DHRS7B: variants seen among roughly 807,000 people sequenced by gnomAD.
The protein encoded by DHRS7B is dehydrogenase/reductase 7B.
Under a neutral mutation model 26.4 loss-of-function variants are expected in DHRS7B, and 24 were observed. The ratio of observed to expected loss-of-function variants is 0.91; its 90% CI spans 0.66 to 1.28. DHRS7B has a LOEUF of 1.28. Among genes scored for constraint, DHRS7B ranks in the 50% most tolerant of loss-of-function variants. The pLI is 0.00. For missense variants in DHRS7B, 368 were observed against 419.4 expected (o/e 0.88, Z 1.07); for synonymous variants, 142 against 166.4 (o/e 0.85, Z 1.13).
At chr17:21,175,469 A>C (rs1397121770) in intron 2 of DHRS7B, among the ~76,000 whole-genome samples, 1 of 152,154 alleles carries the variant, frequency 6.6e-6, no homozygotes, top group Non-Finnish European at 1.5e-5. Context: ...CCTTTCATGA[A>C]CCAGGAGCTA....
At chr17:21,135,455 A>G (rs1172698323) in intron 1 of DHRS7B, among the ~76,000 whole-genome samples, 1 of 152,236 alleles carries the variant, frequency 6.6e-6, no homozygotes, top group East Asian at 1.9e-4. Flanking sequence ...TAAACACTTG[A>G]TATCACAAAA....
intron 1 of DHRS7B, among the ~76,000 whole-genome samples, chr17:21,169,602 G>T (rs1488567342): frequency 6.6e-6 from 1 of 152,182 alleles, no homozygotes; most frequent in African/African-American, 2.4e-5. Flanking sequence ...CACTGCCGCT[G>T]TTGTGCTGCA....
chr17:21,183,882 C>A, intron 4 of DHRS7B, 72 bp downstream of exon 4: 1 of 1,336,018 alleles, frequency 7.5e-7, no homozygotes. Context: ...GGATCCTTTT[C>A]AGCTAAACGT....
chr17:21,143,406 T>C (rs1289229701), intron 1 of DHRS7B, among the ~76,000 whole-genome samples: 1 of 152,226 alleles, frequency 6.6e-6, no homozygotes, highest in African/African-American at 2.4e-5. Context: ...CTGTGTAATA[T>C]TGTTTCACTC....
chr17:21,152,758 A>T (rs1410468352), intron 1 of DHRS7B, among the ~76,000 whole-genome samples: 2 of 151,842 alleles, frequency 1.3e-5, no homozygotes, highest in Non-Finnish European at 2.9e-5. Flanking sequence ...ACCTCAGCTC[A>T]CTCTATTCTT....
intron 1 of DHRS7B, among the ~76,000 whole-genome samples, chr17:21,138,710 C>G (rs892116217): frequency 2.0e-5 from 3 of 151,960 alleles, no homozygotes; most frequent in African/African-American, 4.8e-5. Context: ...TATATGTAAC[C>G]TTTAAGTAAG....
At chr17:21,142,050 C>G (rs919513006) in intron 1 of DHRS7B, among the ~76,000 whole-genome samples, 1 of 152,166 alleles carries the variant, frequency 6.6e-6, no homozygotes, top group African/African-American at 2.4e-5. Flanking sequence ...GACAAAACCC[C>G]TCAGACACCA....
intron 3 of DHRS7B, among the ~76,000 whole-genome samples, chr17:21,181,378 G>A (rs1029695897): frequency 6.6e-6 from 1 of 152,162 alleles, no homozygotes; most frequent in Non-Finnish European, 1.5e-5. Flanking sequence ...GAGCCACTGC[G>A]CCTCGCCGGA....
At chr17:21,164,758 C>T (rs962724499) in intron 1 of DHRS7B, among the ~76,000 whole-genome samples, 16 of 152,178 alleles carry the variant, frequency 1.1e-4, no homozygotes, top group African/African-American at 3.9e-4. Context: ...CAGCTTTTCT[C>T]CTTCGTTCAT....
chr17:21,127,302 A>T, intron 1 of DHRS7B: 1 of 396,484 alleles, frequency 2.5e-6, no homozygotes, highest in Non-Finnish European at 4.5e-6. Context: ...CCTCGCGCCC[A>T]CAGGGCTCCT....
Position 21,172,048 on chromosome 17 carries a change from C to T in DHRS7B, c.51C>T (p.Asp17=). 1 of 1,614,214 alleles carries T rather than the reference C, an allele frequency of 6.2e-7. No homozygotes were observed. The highest frequency in any genetic ancestry group is 1.3e-5 in the African/African-American group (1 of 75,048). The change falls in exon 2 of 7, where the codon GAC becomes GAT. Residue 17 remains aspartate (D), a synonymous_variant. Transcript: ENST00000395511. The part of the protein sequence containing the change: ...RKSLPKVKAM[D]FITSTAILPL... ...GTCTGCCGAAGGTGAAGGCCATGGA[C>T]TTCATCACCTCCACAGCCATCCTGC...
intron 1 of DHRS7B, among the ~76,000 whole-genome samples, chr17:21,137,482 A>G: frequency 7.1e-6 from 1 of 141,546 alleles, no homozygotes; most frequent in Non-Finnish European, 1.5e-5. Context: ...TTTGAGATGA[A>G]GTTTTGCTCT....
chr17:21,159,545 G>A (rs910165753), intron 1 of DHRS7B, among the ~76,000 whole-genome samples: 13 of 151,608 alleles, frequency 8.6e-5, no homozygotes, highest in African/African-American at 2.2e-4. Flanking sequence ...GTGAGCCACC[G>A]CACCCGGCCA....
At chr17:21,132,451 A>G (rs557874505) in intron 1 of DHRS7B, among the ~76,000 whole-genome samples, 11 of 149,964 alleles carry the variant, frequency 7.3e-5, no homozygotes, top group African/African-American at 2.5e-4. Flanking sequence ...GGATCGCTTG[A>G]ACCTGGGAGG....
At chr17:21,145,613 C>G (rs1973626612) in intron 1 of DHRS7B, among the ~76,000 whole-genome samples, 1 of 152,210 alleles carries the variant, frequency 6.6e-6, no homozygotes, top group Admixed American at 6.5e-5. Context: ...TGGTTCTACT[C>G]AACCATTTTT....
chr17:21,137,420 C>T (rs1166038761), intron 1 of DHRS7B, among the ~76,000 whole-genome samples: 14 of 151,586 alleles, frequency 9.2e-5, no homozygotes, highest in South Asian at 2.1e-4. Context: ...CCTCAGCCTC[C>T]GGAGTAGCTG....
At chr17:21,166,302 G>A (rs1014162321) in intron 1 of DHRS7B, 2 of 985,266 alleles carry the variant, frequency 2.0e-6, no homozygotes, top group Non-Finnish European at 2.4e-6. Context: ...TTAAACCAGG[G>A]AGCTGAAGGC....
rs1255905969 is a variant in DHRS7B at position 21,178,226 on chromosome 17, C to A, written c.200-7C>A. 6.2e-7 allele frequency: 1 copy of A among 1,613,576 alleles called. No individual in the cohort carries two copies. The highest frequency in any genetic ancestry group is 1.3e-5 in the African/African-American group (1 of 74,926). On this transcript the variant is annotated splice_region_variant and splice_polypyrimidine_tract_variant and intron_variant, in intron 2 of 6. Transcript: ENST00000395511. Reference sequence around the variant, plus strand: ...ATGGCTGTCAAGGCTCTTTTCTCTTCCCTTAGAATGTGCAAAAGTCTTCTA... The same window carrying A: ...ATGGCTGTCAAGGCTCTTTTCTCTTACCTTAGAATGTGCAAAAGTCTTCTA...
At chr17:21,174,227 C>T (rs1178995437) in intron 2 of DHRS7B, among the ~76,000 whole-genome samples, 1 of 152,230 alleles carries the variant, frequency 6.6e-6, no homozygotes, top group Non-Finnish European at 1.5e-5. Context: ...GTGTCAGCCA[C>T]CCGGAAGGTT....
Sources: allele counts gnomAD v4.1 joint callset (sites outside exome capture counted in the v4.1 genomes callset), GRCh38; gene constraint gnomAD v4.1.1; transcripts MANE v1.5; gene names NCBI Gene and HGNC (gene_info 2026-07-23, HGNC 2026-07-21).